The following HESX1 variants were observed in gnomAD, a reference collection of about 807,000 sequenced individuals.
HESX1 encodes the protein HESX homeobox 1.
HESX1 carries 11 observed loss-of-function variants against 22.5 expected under a neutral mutation model. The ratio of observed to expected loss-of-function variants is 0.49; its 90% confidence interval spans 0.31 to 0.81. The LOEUF is 0.81. HESX1 is among the 30% of genes least tolerant of loss of function. HESX1 has a pLI of 0.05. For missense variants in HESX1, 201 were observed against 212.6 expected (o/e 0.95, Z 0.34); for synonymous variants, 74 against 76.5 (o/e 0.97, Z 0.17).
chr3:57,199,807 A>G lies in HESX1; in HGVS notation c.112T>C (p.Leu38=). Residue 38 remains leucine, a synonymous_variant, in exon 1 of 4, where the codon TTA becomes CTA. Transcript: ENST00000295934. ...GCCCAGGGCCTGTGGGGTTTCATTA[A>G]TGGAACACAGTCTTTCTTCTGGTCC... The part of the protein sequence containing the change: ...GLDQKKDCVP[L]MKPHRPWADT... The G allele has an allele frequency of 6.2e-7, 1 of 1,614,118 alleles. No homozygotes were observed. Among genetic ancestry groups the G allele is most frequent in the Non-Finnish European group, 8.5e-7 (1 of 1,179,996 alleles).
rs2060458019 is a variant in HESX1, at chr3:57,198,042, C to T, written c.*155G>A. The T allele has an allele frequency of 1.6e-6, 1 of 609,914 alleles. No homozygotes were observed. The highest frequency in any genetic ancestry group is 2.9e-6 in the Non-Finnish European group (1 of 342,174). The allele number at this position is 609,914 out of a possible 1,614,324, so 37.8% of individuals were successfully genotyped here. ...ATAACTAAAAGTGCCCAAATATGTA[C>T]CATGCTATAATAGTATTTACAATAT... On this transcript the variant is annotated 3_prime_UTR_variant, in exon 4 of 4. Transcript: ENST00000295934.
chr3:57,226,201 T>G (rs2107589724), intron 1 of HESX1: 1 of 152,132 alleles, frequency 6.6e-6, no homozygotes, highest in Middle Eastern at 3.4e-3. Flanking sequence ...TTCTTATACA[T>G]TGTTTACACT....
chr3:57,224,296 TTTTAA>T (rs1190127335), intron 1 of HESX1, among the ~76,000 whole-genome samples: 3 of 152,180 alleles, frequency 2.0e-5, no homozygotes, highest in South Asian at 2.1e-4. Flanking sequence ...TTTTTTAAAA[TTTTAA>T]TTTAATTTAA....
At chr3:57,226,619 GT>G (rs1270841132), upstream of HESX1, 2 of 151,958 alleles carry the variant, frequency 1.3e-5, no homozygotes, top group African/African-American at 4.8e-5. Context: ...TACTATTTTC[GT>G]TTAAAATATA....
chr3:57,214,541 G>T (rs778629429), intron 1 of HESX1, among the ~76,000 whole-genome samples: 1 of 152,072 alleles, frequency 6.6e-6, no homozygotes, highest in Admixed American at 6.5e-5. Flanking sequence ...GCCTTTTTGA[G>T]CCTGTTTCTT....
At chr3:57,216,113 A>T (rs1405375161) in intron 1 of HESX1, among the ~76,000 whole-genome samples, 1 of 152,202 alleles carries the variant, frequency 6.6e-6, no homozygotes, top group African/African-American at 2.4e-5. Flanking sequence ...CCATGTAATC[A>T]TCAAACCCCA....
intron 1 of HESX1, among the ~76,000 whole-genome samples, chr3:57,216,151 CT>C (rs1477588239): frequency 1.3e-5 from 2 of 152,226 alleles, no homozygotes; most frequent in African/African-American, 4.8e-5. Context: ...CCCCAAATAA[CT>C]TCCTTCACAG....
At chr3:57,223,969 G>A (rs922091188) in intron 1 of HESX1, among the ~76,000 whole-genome samples, 2 of 152,182 alleles carry the variant, frequency 1.3e-5, no homozygotes, top group African/African-American at 4.8e-5. Flanking sequence ...TTTTCTAAAT[G>A]TTTGCTTGAC....
intron 1 of HESX1, among the ~76,000 whole-genome samples, chr3:57,211,938 C>G (rs576654081): frequency 6.6e-6 from 1 of 152,174 alleles, no homozygotes; most frequent in South Asian, 2.1e-4. Flanking sequence ...GCCATTGTTA[C>G]TAGAGACACA....
chr3:57,202,288 A>T (rs1395727546), upstream of HESX1, among the ~76,000 whole-genome samples: 1 of 152,116 alleles, frequency 6.6e-6, no homozygotes, highest in Non-Finnish European at 1.5e-5. Flanking sequence ...TTATCTAAAA[A>T]TGTGAGGGAA....
intron 1 of HESX1, among the ~76,000 whole-genome samples, chr3:57,223,068 C>G (rs886222495): frequency 6.6e-6 from 1 of 152,144 alleles, no homozygotes; most frequent in African/African-American, 2.4e-5. Flanking sequence ...TCTAAAAGCT[C>G]ATTAATCATC....
At position 57,222,778 on chromosome 3, in the gene HESX1, T is replaced by C. The variant is rs180698975; in HGVS notation, c.-111+3518A>G. On this transcript the variant is annotated intron_variant, in intron 1 of 2. Coordinates refer to the HESX1 transcript ENST00000495160. ...TTTTGGTACACTTTTCCTCCAGAAT[T>C]TCAAAGTACATATTTATTGATTTTG... is the stretch of plus-strand genomic sequence containing the variant. Among the ~76,000 whole-genome samples, 476 of 152,324 alleles carry C rather than the reference T, an allele frequency of 3.1e-3. 2 individuals carry two copies. Among genetic ancestry groups the C allele is most frequent in the Non-Finnish European group, 5.2e-3 (353 of 68,040 alleles).
intron 2 of HESX1, 51 bp downstream of exon 2, chr3:57,198,702 G>T: frequency 1.3e-6 from 2 of 1,523,784 alleles, no homozygotes; most frequent in Non-Finnish European, 1.8e-6. Flanking sequence ...GCTCAACTTG[G>T]TGTCAATTAA....
intron 1 of HESX1, among the ~76,000 whole-genome samples, chr3:57,209,690 A>T (rs1357588487): frequency 3.6e-4 from 52 of 145,696 alleles, no homozygotes; most frequent in Middle Eastern, 7.2e-3. Context: ...AAAAAAAAAA[A>T]GAAAAGAAAA....
At chr3:57,210,491 T>C (rs1232308521) in intron 1 of HESX1, among the ~76,000 whole-genome samples, 1 of 152,202 alleles carries the variant, frequency 6.6e-6, no homozygotes, top group Non-Finnish European at 1.5e-5. Flanking sequence ...AAAGCTCCAG[T>C]GAACCTTGCC....
At chr3:57,211,361 CTT>C (rs1433917904) in intron 1 of HESX1, among the ~76,000 whole-genome samples, 3 of 151,622 alleles carry the variant, frequency 2.0e-5, no homozygotes, top group Non-Finnish European at 4.4e-5. Flanking sequence ...GACCTCGTCT[CTT>C]CAAAAATTGA....
intron 1 of HESX1, among the ~76,000 whole-genome samples, chr3:57,219,332 C>T (rs2060601615): frequency 6.6e-6 from 1 of 151,982 alleles, no homozygotes; most frequent in African/African-American, 2.4e-5. Flanking sequence ...ACATGTATGA[C>T]ATCTTCTGAA....
chr3:57,207,239 T>C (rs2060525067), intron 1 of HESX1, among the ~76,000 whole-genome samples: 1 of 152,188 alleles, frequency 6.6e-6, no homozygotes, highest in Non-Finnish European at 1.5e-5. Context: ...CATGAGCCAC[T>C]ATACTGGGCC....
intron 1 of HESX1, among the ~76,000 whole-genome samples, chr3:57,208,966 A>G (rs2060535837): frequency 6.6e-6 from 1 of 152,122 alleles, no homozygotes; most frequent in Non-Finnish European, 1.5e-5. Context: ...TCTAAAAAAA[A>G]AAGAAAAAAA....
Sources: gnomAD v4.1 joint callset for allele counts (sites outside exome capture counted in the v4.1 genomes callset) on GRCh38, gnomAD v4.1.1 for gene constraint, MANE v1.5 for transcripts, NCBI Gene and HGNC (gene_info 2026-07-23, HGNC 2026-07-21) for gene names.